The following CPXM2 variants were observed in gnomAD, a reference collection of about 807,000 sequenced individuals.
CPXM2 encodes carboxypeptidase X, M14 family member 2, also known as inactive carboxypeptidase-like protein X2.
In CPXM2, 66 loss-of-function variants were observed where a neutral mutation model predicts 86.1. The observed-to-expected ratio is 0.77, with a 90% CI of 0.63 to 0.94. The LOEUF (loss-of-function observed/expected upper bound fraction) is 0.94, where lower values mean the gene tolerates loss of function less well. CPXM2 is among the 40% of genes least tolerant of loss of function. The pLI is 0.00. For synonymous variants in CPXM2, 388 were observed against 400.2 expected, an observed-to-expected ratio of 0.97 and a Z score of 0.36; for missense variants, 948 against 1,026.3, an observed-to-expected ratio of 0.92 and a Z score of 1.04.
intron 7 of CPXM2, among the ~76,000 whole-genome samples, chr10:123,776,261 T>C (rs997674324): frequency 1.3e-5 from 2 of 152,160 alleles, no homozygotes; most frequent in Non-Finnish European, 2.9e-5. Context: ...AGGTGGGTAG[T>C]AATGAAAAAG....
chr10:123,759,615 C>G (rs554904551), intron 11 of CPXM2, among the ~76,000 whole-genome samples: 1 of 152,348 alleles, frequency 6.6e-6, no homozygotes, highest in African/African-American at 2.4e-5. Context: ...GTGCCCCAGA[C>G]AGTTCTTCAC....
Position 123,762,189 on chromosome 10 carries a change from A to G in CPXM2, c.1480-20T>C. 6.2e-7 allele frequency: 1 copy of G among 1,614,124 alleles called. No homozygotes were observed. The highest frequency in any genetic ancestry group is 8.5e-7 in the Non-Finnish European group (1 of 1,180,034). On this transcript the variant is annotated intron_variant, in intron 10 of 13. Transcript: ENST00000241305. ...AGCCACCTGTGAACATCCCAAATGG[A>G]CGAGTAAAATAAGCAGGAAGTCATT...
intron 3 of CPXM2, among the ~76,000 whole-genome samples, chr10:123,844,030 G>A (rs751912030): frequency 5.6e-4 from 86 of 152,254 alleles, no homozygotes; most frequent in Non-Finnish European, 1.2e-3. Flanking sequence ...GTAGCACAGT[G>A]TCAGGGGAAT....
At chr10:123,831,073 G>A (rs184175273) in intron 4 of CPXM2, among the ~76,000 whole-genome samples, 54 of 152,300 alleles carry the variant, frequency 3.5e-4, no homozygotes, top group Admixed American at 3.4e-3. Context: ...ACCACAGGAG[G>A]AAATGCTGTA....
intron 4 of CPXM2, among the ~76,000 whole-genome samples, chr10:123,812,464 A>T (rs909629726): frequency 6.6e-6 from 1 of 152,204 alleles, no homozygotes; most frequent in Non-Finnish European, 1.5e-5. Flanking sequence ...GATAAGGAGA[A>T]TGATTCCACT....
intron 2 of CPXM2, among the ~76,000 whole-genome samples, chr10:123,929,262 G>A (rs1945647021): frequency 6.6e-6 from 1 of 152,230 alleles, no homozygotes; most frequent in Admixed American, 6.5e-5. Flanking sequence ...CAGAGTGCAG[G>A]GAGGATGAAT....
chr10:123,862,502 G>C (rs896475535), intron 3 of CPXM2, 112 bp downstream of exon 3: 18 of 904,150 alleles, frequency 2.0e-5, no homozygotes, highest in Non-Finnish European at 3.0e-5. Flanking sequence ...CTTTCTTACT[G>C]TGAGCATCCA....
chr10:123,814,332 C>T (rs1163758291), intron 4 of CPXM2, among the ~76,000 whole-genome samples: 1 of 152,162 alleles, frequency 6.6e-6, no homozygotes, highest in East Asian at 1.9e-4. Flanking sequence ...CTGGCCTAGC[C>T]TCCCAGCCTA....
chr10:123,841,819 G>C (rs1342593480), intron 4 of CPXM2, among the ~76,000 whole-genome samples: 1 of 152,188 alleles, frequency 6.6e-6, no homozygotes, highest in African/African-American at 2.4e-5. Flanking sequence ...CCTTGGCCCT[G>C]AGTGAAATTC....
intron 2 of CPXM2, 128 bp from the exon 3 acceptor site, chr10:123,862,851 T>A: frequency 2.7e-6 from 2 of 737,228 alleles, no homozygotes; most frequent in Non-Finnish European, 4.7e-6. Flanking sequence ...TGCCTGGTCT[T>A]TCCAGACACG....
intron 2 of CPXM2, among the ~76,000 whole-genome samples, chr10:123,902,429 T>G (rs1945391781): frequency 6.6e-6 from 1 of 152,228 alleles, no homozygotes; most frequent in Admixed American, 6.5e-5. Context: ...ATGTAACAGC[T>G]TAGAGTAAAT....
At chr10:123,751,157 G>A (rs1846066247) in intron 13 of CPXM2, 1 of 594,204 alleles carries the variant, frequency 1.7e-6, no homozygotes, top group Non-Finnish European at 2.1e-6. Flanking sequence ...GTGTGGCTAG[G>A]GAACTGCACG....
Position 123,885,967 on chromosome 10 carries a change from A to G in CPXM2, c.304+5389T>C, listed in dbSNP as rs1945172296. Among the ~76,000 whole-genome samples the G allele has an allele frequency of 6.6e-6, 1 of 152,216 alleles. No homozygotes were observed. The highest frequency in any genetic ancestry group is 2.4e-5 in the African/African-American group (1 of 41,450). On this transcript the variant is annotated intron_variant, in intron 1 of 13. Transcript: ENST00000241305. This position sits in a 1 kb window ranked among gnomAD's most constrained non-coding sequence, Gnocchi z 4.0. Reference sequence around the variant, plus strand: ...GTGGGTGTGTCCTCCTTTATTATCCATGCGCGAGCCCTGGTTTCTGGAACC... The same window carrying G: ...GTGGGTGTGTCCTCCTTTATTATCCGTGCGCGAGCCCTGGTTTCTGGAACC...
At chr10:123,899,395 T>C (rs1397660935) in intron 2 of CPXM2, among the ~76,000 whole-genome samples, 1 of 152,208 alleles carries the variant, frequency 6.6e-6, no homozygotes, top group East Asian at 1.9e-4. Flanking sequence ...AAGGAAAAGG[T>C]TGTATGATTA....
In CPXM2 at chr10:123,912,048, C is replaced by T. The variant is rs145306336; in HGVS notation, n.174+27429G>A. On this transcript the variant is annotated intron_variant and non_coding_transcript_variant, in intron 2 of 19. Coordinates refer to the CPXM2 transcript ENST00000368854. ...ACCAAGCGGGTGACTTGCGGAACCA[C>T]GTGCACAGCTAGACCTCTCGACTGG... 2.7e-3 allele frequency among the ~76,000 whole-genome samples: 409 copies of T among 152,148 alleles called. 3 individuals are homozygous for T. Among genetic ancestry groups the T allele is most frequent in the African/African-American group, 7.9e-3 (326 of 41,478 alleles).
intron 2 of CPXM2, among the ~76,000 whole-genome samples, chr10:123,875,129 G>T (rs966975209): frequency 5.3e-5 from 8 of 152,160 alleles, no homozygotes; most frequent in African/African-American, 1.9e-4. Context: ...CCCAGTGAAG[G>T]CCCTGCCACA....
At chr10:123,759,086 G>A (rs1012580790) in intron 11 of CPXM2, among the ~76,000 whole-genome samples, 2 of 152,290 alleles carry the variant, frequency 1.3e-5, no homozygotes, top group Non-Finnish European at 2.9e-5. Flanking sequence ...CACAGTGAGC[G>A]TGTTTGCAGT....
intron 6 of CPXM2, among the ~76,000 whole-genome samples, chr10:123,797,282 C>A (rs1330852871): frequency 6.6e-6 from 1 of 152,220 alleles, no homozygotes; most frequent in African/African-American, 2.4e-5. Context: ...CCTCCTACCC[C>A]ACCGCCACTA....
intron 11 of CPXM2, among the ~76,000 whole-genome samples, chr10:123,757,621 G>C (rs1846245442): frequency 6.6e-6 from 1 of 152,220 alleles, no homozygotes. Flanking sequence ...ATTGAAATAA[G>C]TGCTATTTAG....
Sources: allele counts gnomAD v4.1 joint callset (sites outside exome capture counted in the v4.1 genomes callset), GRCh38; gene constraint gnomAD v4.1.1; non-coding constraint Gnocchi (gnomAD v3.1); transcripts MANE v1.5; gene names NCBI Gene and HGNC (gene_info 2026-07-23, HGNC 2026-07-21).